DCTN1: variants seen among roughly 807,000 people sequenced by gnomAD.
DCTN1 encodes dynactin subunit 1.
A neutral mutation model predicts 161.2 loss-of-function variants in DCTN1; 61 were observed. That is an observed-to-expected ratio of 0.38 (90% CI 0.31 to 0.47). The LOEUF (loss-of-function observed/expected upper bound fraction) is 0.47. Among genes scored for constraint, DCTN1 ranks in the 20% least tolerant of loss-of-function variants. DCTN1 has a pLI of 0.99. For missense variants in DCTN1, 1,404 were observed against 1,623.7 expected, an observed-to-expected ratio of 0.86 and a Z score of 2.33; for synonymous variants, 653 against 632.4, an observed-to-expected ratio of 1.03 and a Z score of -0.49.
At position 74,368,701 on chromosome 2, in the gene DCTN1, G is replaced by A. The variant is rs200418408; in HGVS notation, c.1854+27C>T. On this transcript the variant is annotated intron_variant, in intron 16 of 31. Transcript: ENST00000628224. ...TTCATGGCAAGTTCACTAGATTTCTGTGGAACATGTGATTGATTGGCCATA... is the reference window on the plus strand; with the variant it reads ...TTCATGGCAAGTTCACTAGATTTCTATGGAACATGTGATTGATTGGCCATA... 2.5e-5 allele frequency: 40 copies of A among 1,614,214 alleles called. No homozygotes were observed. The Admixed American group carries it at 4.0e-4, about 16-fold the overall frequency.
At chr2:74,371,756 G>A (rs756843443) in intron 7 of DCTN1, 28 bp from the exon 8 acceptor site, 1 of 1,588,112 alleles carries the variant, frequency 6.3e-7, no homozygotes, top group Admixed American at 1.7e-5. Context: ...AGGCAGACCA[G>A]AAAGAAAGCA....
At chr2:74,382,963 T>G, upstream of DCTN1, among the ~76,000 whole-genome samples, 1 of 151,414 alleles carries the variant, frequency 6.6e-6, no homozygotes, top group East Asian at 1.9e-4. Flanking sequence ...TAGTCCCAGC[T>G]ACTCGGGAGG....
In DCTN1 at chr2:74,374,664, C is replaced by T. The variant is rs1039886359; in HGVS notation, c.415-324G>A. ...CACCAGCTTAGGCTGATGGCAGCCT[C>T]AGTGGCCGCAGCACCAGCTCCACCT... On this transcript the variant is annotated intron_variant, in intron 5 of 31. Transcript: ENST00000628224. The T allele has an allele frequency of 2.9e-5, 35 of 1,207,504 alleles. No homozygotes were observed. In the Admixed American group the frequency reaches 3.6e-4, roughly 12 times the overall value. 74.8% of individuals were successfully genotyped at this position (1,207,504 alleles called of 1,614,324 possible).
intron 26 of DCTN1, 140 bp downstream of exon 26, chr2:74,364,935 G>T: frequency 9.2e-7 from 1 of 1,083,740 alleles, no homozygotes. Flanking sequence ...GTGAAAACTG[G>T]CACAGAGTGA....
chr2:74,390,102 G>A (rs1052877666), intron 1 of DCTN1, among the ~76,000 whole-genome samples: 1 of 152,148 alleles, frequency 6.6e-6, no homozygotes, highest in Non-Finnish European at 1.5e-5. Context: ...TTCTAGTCTT[G>A]CAAGCCACAC....
At chr2:74,365,421 A>G (rs1453793895) in intron 25 of DCTN1, 94 bp downstream of exon 25, 3 of 1,593,408 alleles carry the variant, frequency 1.9e-6, no homozygotes, top group Non-Finnish European at 1.7e-6. Flanking sequence ...GAGTCTCACT[A>G]TAAGAGAACC....
At chr2:74,366,758 C>T (rs1674443692) in intron 21 of DCTN1, 25 bp downstream of exon 21, 1 of 1,614,214 alleles carries the variant, frequency 6.2e-7, no homozygotes, top group African/African-American at 1.3e-5. Flanking sequence ...CAGTTTCCTT[C>T]CCTTCCCCAG....
Position 74,366,788 on chromosome 2 carries a change from G to A in DCTN1, c.2461C>T (p.Pro821Ser), listed in dbSNP as rs773634784. ...PGIPAALAFGPQVSDTLLDCR... is the reference protein window; with the variant it reads ...PGIPAALAFGSQVSDTLLDCR... The stretch of plus-strand genomic sequence containing the variant: ...CCCCAGTTGCAGCCTTAAACCTGTG[G>A]TCCAAAGGCCAGTGCAGCTGGGATC... The change falls in exon 21 of 32, where the codon CCA becomes TCA. Residue 821 changes from proline to serine, a missense_variant. By Grantham distance (74) the Pro-to-Ser change is moderately conservative (BLOSUM62 -1). Around this residue, in one of 9 missense-constraint regions of DCTN1, gnomAD observed 475 missense variants for 489.8 expected, o/e 0.97. Coordinates refer to ENST00000628224, the MANE Select transcript of DCTN1 (RefSeq NM_004082.5). 3 of 1,614,198 alleles carry A rather than the reference G, an allele frequency of 1.9e-6. No individual in the cohort carries two copies.
rs541163314 is a variant in DCTN1, at chr2:74,376,772, G to T, written c.394-10C>A. Reference sequence around the variant, plus strand: ...TAGGCTTCAGTCCCCGCTGCATGAGGAGTAGGAAAGGGCAGAGTTAGAGAA... The same window carrying T: ...TAGGCTTCAGTCCCCGCTGCATGAGTAGTAGGAAAGGGCAGAGTTAGAGAA... On this transcript the variant is annotated splice_polypyrimidine_tract_variant and intron_variant, in intron 4 of 31. Coordinates refer to ENST00000628224, the MANE Select transcript of DCTN1 (RefSeq NM_004082.5). 40 of 1,602,754 alleles carry T rather than the reference G, an allele frequency of 2.5e-5. No individual in the cohort carries two copies. The African/African-American group carries it at 3.9e-4, about 16-fold the overall frequency.
At position 74,365,202 on chromosome 2, in the gene DCTN1, G is replaced by A. The variant is rs780292959; in HGVS notation, c.3069C>T (p.Ile1023=). 21 of 1,614,184 alleles carry A rather than the reference G, an allele frequency of 1.3e-5. No homozygotes were observed. The highest frequency in any genetic ancestry group is 5.5e-5 in the South Asian group (5 of 91,078). ...EETMDALQAD[I]DQLEAEKAEL... Reference sequence around the variant, plus strand: ...CTGCCTTCTCTGCCTCCAGCTGGTCGATGTCAGCCTGGAGTGCATCCATTG... The same window carrying A: ...CTGCCTTCTCTGCCTCCAGCTGGTCAATGTCAGCCTGGAGTGCATCCATTG... The change falls in exon 26 of 32, where the codon ATC becomes ATT. Residue 1023 remains isoleucine (I), a synonymous_variant. Coordinates refer to ENST00000628224, the MANE Select transcript of DCTN1 (RefSeq NM_004082.5).
In DCTN1 at chr2:74,369,169, T is replaced by G. The variant is rs775829100; in HGVS notation, c.1630A>C (p.Arg544=). 2 of 1,614,188 alleles carry G rather than the reference T, an allele frequency of 1.2e-6. No homozygotes were observed. Among genetic ancestry groups the G allele is most frequent in the Non-Finnish European group, 8.5e-7 (1 of 1,180,042 alleles). ...GTCTCTGGAGGTGGCTGCTGTTGCC[T>G]CTCCACAGATGCTTCCTGCTGGTTT... The part of the protein sequence containing the change: ...LTNQQEASVE[R]QQQPPPETFD... Residue 544 remains arginine, a synonymous_variant, in exon 15 of 32, where the codon AGG becomes CGG. Transcript: ENST00000628224. This position sits in a 1 kb window ranked among gnomAD's most constrained non-coding sequence, Gnocchi z 4.9.
Position 74,367,870 on chromosome 2 carries a change from G to A in DCTN1, c.2016-6C>T. On this transcript the variant is annotated splice_polypyrimidine_tract_variant and splice_region_variant and intron_variant, in intron 17 of 31. Coordinates refer to ENST00000628224, the MANE Select transcript of DCTN1 (RefSeq NM_004082.5). ...CACTGCACTGAGAGAGGGCACTAGA[G>A]ACCAGAGAAGGGCACTGTGAGGCTA... 1.9e-6 allele frequency: 3 copies of A among 1,614,220 alleles called. No individual in the cohort carries two copies. Among genetic ancestry groups the A allele is most frequent in the South Asian group, 1.1e-5 (1 of 91,086 alleles).
chr2:74,367,166 A>G, intron 19 of DCTN1, 59 bp from the exon 20 acceptor site: 1 of 1,603,420 alleles, frequency 6.2e-7, no homozygotes, highest in South Asian at 1.1e-5. Flanking sequence ...TGCCTTATCA[A>G]CATCTCTAAG....
At position 74,370,552 on chromosome 2, in the gene DCTN1, A is replaced by T; in HGVS notation, c.1049-8T>A. On this transcript the variant is annotated splice_region_variant and splice_polypyrimidine_tract_variant and intron_variant, in intron 10 of 31. Coordinates refer to ENST00000628224, the MANE Select transcript of DCTN1 (RefSeq NM_004082.5). This position sits in a 1 kb window ranked among gnomAD's most constrained non-coding sequence, Gnocchi z 4.4. ...ATGCAGCGCCATCTGAGCCTGGAGA[A>T]GATCATTAACACTTTCAGGCATGGT... 1 of 1,614,150 alleles carries T rather than the reference A, an allele frequency of 6.2e-7. No homozygotes were observed. The highest frequency in any genetic ancestry group is 8.5e-7 in the Non-Finnish European group (1 of 1,180,028).
intron 4 of DCTN1, 27 bp from the exon 5 acceptor site, chr2:74,376,789 G>C: frequency 6.3e-7 from 1 of 1,597,356 alleles, no homozygotes; most frequent in Non-Finnish European, 8.5e-7. Flanking sequence ...AAAGGGCAGA[G>C]TTAGAGAACA....
chr2:74,382,458 G>T (rs899383463), upstream of DCTN1, among the ~76,000 whole-genome samples: 4 of 151,886 alleles, frequency 2.6e-5, no homozygotes, highest in Non-Finnish European at 4.4e-5. Flanking sequence ...AAATGAGCTG[G>T]GTGTGGTGGC....
rs114444981 is a variant in DCTN1 at position 74,365,852 on chromosome 2, A to T, written c.2886+41T>A. 1.6e-4 allele frequency: 265 copies of T among 1,613,816 alleles called. 1 individual carries two copies. In the African/African-American group the frequency reaches 3.1e-3, roughly 19 times the overall value. On this transcript the variant is annotated intron_variant, in intron 24 of 31. Transcript: ENST00000628224. ...ACTCACTGCTTTCCTGAGTCCTACCAATTTCCTGGCCCCCAGATCCTGAGC... is the reference window on the plus strand; with the variant it reads ...ACTCACTGCTTTCCTGAGTCCTACCTATTTCCTGGCCCCCAGATCCTGAGC...
At chr2:74,366,123 G>A (rs1471930199) in intron 23 of DCTN1, 105 bp from the exon 24 acceptor site, 2 of 1,611,030 alleles carry the variant, frequency 1.2e-6, no homozygotes, top group African/African-American at 2.7e-5. Flanking sequence ...CTGCCTTCTA[G>A]GCAGGATGGT....
intron 1 of DCTN1, 61 bp from the exon 2 acceptor site, chr2:74,378,306 G>A (rs1675344254): frequency 1.5e-5 from 24 of 1,586,648 alleles, no homozygotes; most frequent in Middle Eastern, 2.2e-4. Context: ...GCATTCTTAT[G>A]TATAAGAAAT....
Sources: allele counts gnomAD v4.1 joint callset (sites outside exome capture counted in the v4.1 genomes callset), GRCh38; gene constraint gnomAD v4.1.1; regional missense constraint gnomAD v4.1.1; non-coding constraint Gnocchi (gnomAD v3.1); transcripts MANE v1.5; gene names NCBI Gene and HGNC (gene_info 2026-07-23, HGNC 2026-07-21).